The following CNIH3 variants were observed in gnomAD, a reference collection of about 807,000 sequenced individuals.
CNIH3 encodes cornichon family AMPA receptor auxiliary protein 3.
Under a neutral mutation model 24.1 loss-of-function variants are expected in CNIH3, and 14 were observed. The observed-to-expected ratio is 0.58, with a 90% CI of 0.38 to 0.91. The LOEUF is 0.91. CNIH3 is among the 40% of genes least tolerant of loss of function. The pLI, the probability that CNIH3 is intolerant of heterozygous loss-of-function variation, is 0.00. For missense variants in CNIH3, 178 were observed against 196.8 expected, an observed-to-expected ratio of 0.90 and a Z score of 0.57; for synonymous variants, 68 against 73.8, an observed-to-expected ratio of 0.92 and a Z score of 0.40.
chr1:224,451,128 G>A (rs1251174518), intron 1 of CNIH3, among the ~76,000 whole-genome samples: 1 of 152,202 alleles, frequency 6.6e-6, no homozygotes. Flanking sequence ...GTATGGCCGA[G>A]GGTTATGTAA....
chr1:224,434,751 CGCTCT>C lies in CNIH3; in HGVS notation n.97_101del, dbSNP rs1456142614. The C allele has an allele frequency of 1.5e-5, 15 of 987,182 alleles. No individual in the cohort carries two copies. The South Asian group carries it at 5.4e-4, about 36-fold the overall frequency. 61.2% of individuals were successfully genotyped at this position (987,182 alleles called of 1,614,324 possible). ...GCCGCCTCTGTCCTCGGATCCGCTC[CGCTCT>C]GCTCCCTGGTGTGTTGATTCTTCCC... On this transcript the variant is annotated non_coding_transcript_exon_variant, in exon 1 of 6. Transcript: ENST00000471578.
At chr1:224,557,977 G>A (rs1036302838) in intron 3 of CNIH3, among the ~76,000 whole-genome samples, 1 of 152,100 alleles carries the variant, frequency 6.6e-6, no homozygotes, top group Non-Finnish European at 1.5e-5. Context: ...ACTTGTTCGT[G>A]GTCTCACCAC....
intron 2 of CNIH3, among the ~76,000 whole-genome samples, chr1:224,535,649 C>G (rs1402153958): frequency 6.6e-6 from 1 of 152,132 alleles, no homozygotes; most frequent in African/African-American, 2.4e-5. Flanking sequence ...TGGCAGGTTA[C>G]TGTCAAATGT....
rs115720957 is a variant in CNIH3, at chr1:224,451,592, A to G, written n.203+16730A>G. Reference sequence around the variant, plus strand: ...CTGGTTATTCTTGTGAGTATTGACTATCTAGAAAACTTATTCACCCATATG... The same window carrying G: ...CTGGTTATTCTTGTGAGTATTGACTGTCTAGAAAACTTATTCACCCATATG... On this transcript the variant is annotated intron_variant and non_coding_transcript_variant, in intron 1 of 5. Coordinates refer to the CNIH3 transcript ENST00000471578. Among the ~76,000 whole-genome samples, 812 of 152,304 alleles carry G rather than the reference A, an allele frequency of 5.3e-3. 12 individuals are homozygous for G. The highest frequency in any genetic ancestry group is 0.019 in the African/African-American group (770 of 41,558).
exon 1 of CNIH3, chr1:224,434,752 G>A (rs1335855318): frequency 1.7e-5 from 17 of 987,524 alleles, no homozygotes; most frequent in Non-Finnish European, 1.7e-5. Context: ...GATCCGCTCC[G>A]CTCTGCTCCC....
intron 1 of CNIH3, among the ~76,000 whole-genome samples, chr1:224,459,600 G>A (rs958622201): frequency 1.2e-4 from 18 of 152,196 alleles, no homozygotes; most frequent in Middle Eastern, 3.4e-3. Flanking sequence ...TGAATTTGAA[G>A]TCTTTCCCAG....
chr1:224,441,463 A>G (rs147398321), intron 1 of CNIH3, among the ~76,000 whole-genome samples: 2 of 152,334 alleles, frequency 1.3e-5, no homozygotes, highest in Admixed American at 1.3e-4. Flanking sequence ...AAAAGTAGAT[A>G]AATAATTAAT....
chr1:224,615,328 C>T (rs960766019), upstream of CNIH3: 28 of 152,064 alleles, frequency 1.8e-4, no homozygotes, highest in African/African-American at 6.3e-4. Context: ...GATGACTTGT[C>T]TGAAACTGAA....
rs545978367 is a variant in CNIH3, at chr1:224,466,694, A to G, written n.203+31832A>G. ...AAAATGCCAAAATATTTTCCAGAGT[A>G]GCTATCCCATTCTACATTCCTGCCA... On this transcript the variant is annotated intron_variant and non_coding_transcript_variant, in intron 1 of 5. Transcript: ENST00000471578. Among the ~76,000 whole-genome samples, 6 of 152,346 alleles carry G rather than the reference A, an allele frequency of 3.9e-5. No individual in the cohort carries two copies. In the South Asian group the frequency reaches 1.2e-3, roughly 32 times the overall value.
intron 4 of CNIH3, among the ~76,000 whole-genome samples, chr1:224,580,751 A>G (rs1572517994): frequency 6.6e-6 from 1 of 150,806 alleles, no homozygotes; most frequent in African/African-American, 2.4e-5. Context: ...CGCTTGAACC[A>G]GGGAGTCGGA....
chr1:224,731,091 G>T (rs1689302127), intron 4 of CNIH3, among the ~76,000 whole-genome samples: 1 of 152,174 alleles, frequency 6.6e-6, no homozygotes, highest in South Asian at 2.1e-4. Flanking sequence ...GCTGCCAGGG[G>T]CTGGGAGGGA....
At chr1:224,641,630 G>A (rs1684365739) in intron 1 of CNIH3, among the ~76,000 whole-genome samples, 1 of 152,242 alleles carries the variant, frequency 6.6e-6, no homozygotes, top group South Asian at 2.1e-4. Flanking sequence ...CACAAATGCT[G>A]CAGGTGTGGC....
rs74564598 is a variant in CNIH3, at chr1:224,584,081, G to A, written n.620+814G>A. 1.2e-3 allele frequency among the ~76,000 whole-genome samples: 176 copies of A among 152,232 alleles called. 2 individuals carry two copies. The East Asian group carries it at 0.028, about 24-fold the overall frequency. ...AATTTCACTGACAGCATAGTTCTTT[G>A]AGAACTTAGCGGACAACTTTTAAAA... On this transcript the variant is annotated intron_variant and non_coding_transcript_variant, in intron 5 of 5. Coordinates refer to the CNIH3 transcript ENST00000471578.
chr1:224,655,759 G>A (rs1405511357), intron 1 of CNIH3, among the ~76,000 whole-genome samples: 3 of 152,216 alleles, frequency 2.0e-5, no homozygotes, highest in African/African-American at 7.2e-5. Context: ...GGTGACATCA[G>A]TCAGAAAGAT....
At chr1:224,725,035 C>T (rs2125231302) in intron 3 of CNIH3, among the ~76,000 whole-genome samples, 1 of 151,710 alleles carries the variant, frequency 6.6e-6, no homozygotes, top group Admixed American at 6.6e-5. Context: ...ATAGTGAAAC[C>T]CCCATCTCTA....
At chr1:224,526,693 TC>T (rs1281306054) in intron 2 of CNIH3, among the ~76,000 whole-genome samples, 5 of 152,230 alleles carry the variant, frequency 3.3e-5, no homozygotes, top group Non-Finnish European at 5.9e-5. Context: ...CAGCCTGTAT[TC>T]GGTCATTCTT....
intron 1 of CNIH3, among the ~76,000 whole-genome samples, chr1:224,673,542 C>G (rs755243346): frequency 6.6e-6 from 1 of 152,200 alleles, no homozygotes; most frequent in African/African-American, 2.4e-5. Context: ...GACATTCAGT[C>G]CTCTCAGCTT....
chr1:224,541,083 C>A (rs1679494200), downstream of CNIH3, among the ~76,000 whole-genome samples: 1 of 152,134 alleles, frequency 6.6e-6, no homozygotes. Flanking sequence ...TAAAAAATTC[C>A]ATTGCTGTAT....
intron 1 of CNIH3, among the ~76,000 whole-genome samples, chr1:224,509,624 T>C (rs1329037132): frequency 6.6e-6 from 1 of 152,190 alleles, no homozygotes; most frequent in Non-Finnish European, 1.5e-5. Context: ...AGAGTGGTTT[T>C]TCTGCAAACC....
Sources: gnomAD v4.1 joint callset for allele counts (sites outside exome capture counted in the v4.1 genomes callset) on GRCh38, gnomAD v4.1.1 for gene constraint, MANE v1.5 for transcripts, NCBI Gene and HGNC (gene_info 2026-07-23, HGNC 2026-07-21) for gene names.